KCNQ5: variants seen among roughly 807,000 people sequenced by gnomAD.
The protein encoded by KCNQ5 is potassium voltage-gated channel subfamily Q member 5, also known as potassium voltage-gated channel subfamily KQT member 5.
Under a neutral mutation model 98.2 loss-of-function variants are expected in KCNQ5, and 30 were observed. That is an observed-to-expected ratio of 0.31 (90% CI 0.23 to 0.41). The LOEUF (loss-of-function observed/expected upper bound fraction) is 0.41, where lower values mean the gene tolerates loss of function less well. Among genes scored for constraint, KCNQ5 ranks in the 10% least tolerant of loss-of-function variants. The pLI, the probability that KCNQ5 is intolerant of heterozygous loss-of-function variation, is 1.00. For synonymous variants in KCNQ5, 458 were observed against 449.4 expected, an observed-to-expected ratio of 1.02 and a Z score of -0.24; for missense variants, 835 against 1,182.5, an observed-to-expected ratio of 0.71 and a Z score of 4.31.
intron 3 of KCNQ5, among the ~76,000 whole-genome samples, chr6:73,047,338 C>T (rs1041862708): frequency 1.3e-5 from 2 of 152,212 alleles, no homozygotes; most frequent in African/African-American, 4.8e-5. Flanking sequence ...CTAAAATAGA[C>T]TTACTTACCT....
intron 5 of KCNQ5, among the ~76,000 whole-genome samples, chr6:73,091,574 G>GT (rs1774249820): frequency 6.6e-6 from 1 of 152,094 alleles, no homozygotes; most frequent in East Asian, 1.9e-4. Context: ...TCAGTTGACT[G>GT]TAAGTACCTT....
At chr6:73,003,128 G>T (rs1173228508) in intron 1 of KCNQ5, among the ~76,000 whole-genome samples, 2 of 151,952 alleles carry the variant, frequency 1.3e-5, no homozygotes, top group Non-Finnish European at 2.9e-5. Flanking sequence ...TTCCCTTTTA[G>T]TAGACATTTT....
At chr6:72,946,420 C>T (rs1766549997) in intron 1 of KCNQ5, among the ~76,000 whole-genome samples, 1 of 152,090 alleles carries the variant, frequency 6.6e-6, no homozygotes, top group African/African-American at 2.4e-5. Flanking sequence ...ATATTTATTA[C>T]ACGCTGTAAT....
At chr6:73,006,719 C>T (rs1033816014) in intron 2 of KCNQ5, among the ~76,000 whole-genome samples, 10 of 152,140 alleles carry the variant, frequency 6.6e-5, no homozygotes, top group South Asian at 2.1e-4. Context: ...GTACACTTTT[C>T]GTGTACACTG....
At chr6:72,775,932 G>T (rs975272754) in intron 1 of KCNQ5, among the ~76,000 whole-genome samples, 2 of 152,080 alleles carry the variant, frequency 1.3e-5, no homozygotes, top group East Asian at 3.9e-4. Context: ...TCCTAGAACA[G>T]AAAAAATGAT....
chr6:73,090,289 C>A (rs1034085641), intron 5 of KCNQ5, among the ~76,000 whole-genome samples: 1 of 151,870 alleles, frequency 6.6e-6, no homozygotes, highest in African/African-American at 2.4e-5. Flanking sequence ...TGTTTGAGTT[C>A]ATTGTAGATT....
Position 72,980,158 on chromosome 6 carries a change from G to C in KCNQ5, c.399-23750G>C, listed in dbSNP as rs188613873. Among the ~76,000 whole-genome samples, 883 of 152,010 alleles carry C rather than the reference G, an allele frequency of 5.8e-3. 6 individuals are homozygous for C. Among genetic ancestry groups the C allele is most frequent in the Middle Eastern group, 0.02 (6 of 294 alleles). The stretch of plus-strand genomic sequence containing the variant: ...TGCTTAGGATTGACTTGGCAATGTG[G>C]GCTCTTTTTTTGGTTCCATATGAAC... On this transcript the variant is annotated intron_variant, in intron 1 of 13. Coordinates refer to ENST00000370398, the MANE Select transcript of KCNQ5 (RefSeq NM_019842.4).
intron 3 of KCNQ5, among the ~76,000 whole-genome samples, chr6:73,069,594 C>A (rs1421216540): frequency 6.6e-6 from 1 of 151,798 alleles, no homozygotes; most frequent in Non-Finnish European, 1.5e-5. Context: ...AGCAAGTAAA[C>A]AGACTACTAG....
chr6:72,721,988 A>G (rs530264054), intron 1 of KCNQ5, among the ~76,000 whole-genome samples: 1 of 152,330 alleles, frequency 6.6e-6, no homozygotes. Flanking sequence ...TCTGGATTAT[A>G]CAGGTGGGCC....
At chr6:73,006,739 A>G (rs1031278548) in intron 2 of KCNQ5, among the ~76,000 whole-genome samples, 6 of 152,258 alleles carry the variant, frequency 3.9e-5, no homozygotes, top group Admixed American at 1.3e-4. Context: ...GTTGATGTAT[A>G]AAGACAACAC....
intron 1 of KCNQ5, among the ~76,000 whole-genome samples, chr6:72,685,355 C>T (rs4707983): frequency 0.51 from 77,737 of 152,064 alleles, 23,093 homozygotes; most frequent in African/African-American, 0.82. Context: ...GTTAACAAAA[C>T]TATATGCATT....
chr6:72,829,744 G>A (rs922570970), intron 1 of KCNQ5, among the ~76,000 whole-genome samples: 1 of 152,142 alleles, frequency 6.6e-6, no homozygotes, highest in Non-Finnish European at 1.5e-5. Context: ...GAGGTGGCAA[G>A]CATACAAAAG....
At chr6:72,927,853 A>G (rs779274574) in intron 1 of KCNQ5, among the ~76,000 whole-genome samples, 3 of 152,074 alleles carry the variant, frequency 2.0e-5, no homozygotes, top group Non-Finnish European at 4.4e-5. Flanking sequence ...CGCAAAAGAT[A>G]GATAATTCTG....
At chr6:73,018,961 A>C (rs1770469882) in intron 2 of KCNQ5, among the ~76,000 whole-genome samples, 1 of 152,186 alleles carries the variant, frequency 6.6e-6, no homozygotes, top group African/African-American at 2.4e-5. Context: ...AGTTACTTAG[A>C]CAGATCTTCC....
chr6:72,949,319 A>G (rs1210434174), intron 1 of KCNQ5, among the ~76,000 whole-genome samples: 1 of 152,200 alleles, frequency 6.6e-6, no homozygotes, highest in Admixed American at 6.5e-5. Flanking sequence ...ATAGAATTAC[A>G]TGTGGCAAAT....
In KCNQ5 at chr6:72,913,156, G is replaced by T. The variant is rs1247712729; in HGVS notation, c.399-90752G>T. 2.0e-5 allele frequency among the ~76,000 whole-genome samples: 3 copies of T among 151,822 alleles called. No homozygotes were observed. In the East Asian group the frequency reaches 5.8e-4, roughly 29 times the overall value. On this transcript the variant is annotated intron_variant, in intron 1 of 13. Coordinates refer to ENST00000370398, the MANE Select transcript of KCNQ5 (RefSeq NM_019842.4). ...TAAAAATAATAACTCAAAATATTTGGGATAATAGCTTGAAATTTTAGGTGT... is the reference window on the plus strand; with the variant it reads ...TAAAAATAATAACTCAAAATATTTGTGATAATAGCTTGAAATTTTAGGTGT...
chr6:72,888,636 A>G (rs1192640282), intron 1 of KCNQ5, among the ~76,000 whole-genome samples: 1 of 152,164 alleles, frequency 6.6e-6, no homozygotes, highest in Admixed American at 6.5e-5. Context: ...AAGTAGTGAC[A>G]ACGACTGTAA....
At chr6:72,775,636 C>A (rs975344941) in intron 1 of KCNQ5, among the ~76,000 whole-genome samples, 1 of 152,056 alleles carries the variant, frequency 6.6e-6, no homozygotes, top group Non-Finnish European at 1.5e-5. Context: ...CAGGTGATTG[C>A]GGTCGACATC....
At chr6:72,823,958 T>C (rs923209201) in intron 1 of KCNQ5, among the ~76,000 whole-genome samples, 8 of 152,182 alleles carry the variant, frequency 5.3e-5, no homozygotes, top group African/African-American at 1.9e-4. Context: ...TAAACACATA[T>C]GTAAAATATT....
Sources: allele counts gnomAD v4.1 joint callset (sites outside exome capture counted in the v4.1 genomes callset), GRCh38; gene constraint gnomAD v4.1.1; transcripts MANE v1.5; gene names NCBI Gene and HGNC (gene_info 2026-07-23, HGNC 2026-07-21).